The following LRP1B variants were observed in gnomAD, a reference collection of about 807,000 sequenced individuals.
LRP1B encodes LDL receptor related protein 1B.
A neutral mutation model predicts 556.6 loss-of-function variants in LRP1B; 217 were observed. The observed-to-expected ratio is 0.39, with a 90% CI of 0.35 to 0.44. LRP1B has a LOEUF of 0.44. Among genes scored for constraint, LRP1B ranks in the 20% least tolerant of loss-of-function variants. The pLI, the probability that LRP1B is intolerant of heterozygous loss-of-function variation, is 1.00. For missense variants in LRP1B, 5,053 were observed against 5,620.8 expected, an observed-to-expected ratio of 0.90 and a Z score of 3.23; for synonymous variants, 2,047 against 1,865.8, an observed-to-expected ratio of 1.10 and a Z score of -2.50.
At chr2:141,759,343 C>T (rs1033236596) in intron 2 of LRP1B, among the ~76,000 whole-genome samples, 4 of 151,944 alleles carry the variant, frequency 2.6e-5, no homozygotes, top group East Asian at 1.9e-4. Flanking sequence ...GACAAAATAA[C>T]GATACAAAGG....
At chr2:141,502,561 T>G (rs1305923330) in intron 2 of LRP1B, among the ~76,000 whole-genome samples, 1 of 152,092 alleles carries the variant, frequency 6.6e-6, no homozygotes, top group African/African-American at 2.4e-5. Flanking sequence ...GTATCATTGT[T>G]TAAAAACTAG....
intron 2 of LRP1B, among the ~76,000 whole-genome samples, chr2:141,497,622 C>T (rs1183061317): frequency 6.6e-6 from 1 of 151,926 alleles, no homozygotes; most frequent in Non-Finnish European, 1.5e-5. Flanking sequence ...AGGATGTTTG[C>T]TGTTTGGCCA....
intron 29 of LRP1B, among the ~76,000 whole-genome samples, chr2:140,847,547 T>C (rs1453828367): frequency 2.6e-5 from 4 of 151,920 alleles, no homozygotes; most frequent in Non-Finnish European, 4.4e-5. Context: ...GGTGGGTGGA[T>C]CATGTGGTCA....
chr2:140,416,269 T>C (rs1685197308), intron 66 of LRP1B, among the ~76,000 whole-genome samples: 1 of 151,988 alleles, frequency 6.6e-6, no homozygotes, highest in Non-Finnish European at 1.5e-5. Flanking sequence ...TGATTTGAGG[T>C]GGAGATGAGG....
intron 3 of LRP1B, among the ~76,000 whole-genome samples, chr2:141,322,382 G>T (rs1336051130): frequency 6.6e-6 from 1 of 152,038 alleles, no homozygotes; most frequent in Non-Finnish European, 1.5e-5. Flanking sequence ...TGATACCGGG[G>T]TATCTTGGGG....
chr2:141,337,469 C>A (rs564314338), intron 3 of LRP1B, among the ~76,000 whole-genome samples: 1 of 141,606 alleles, frequency 7.1e-6, no homozygotes, highest in East Asian at 2.0e-4. Flanking sequence ...TTATGAGATG[C>A]GGGATTTGCA....
intron 3 of LRP1B, among the ~76,000 whole-genome samples, chr2:141,432,647 T>A (rs1159797813): frequency 6.6e-6 from 1 of 152,048 alleles, no homozygotes; most frequent in African/African-American, 2.4e-5. Context: ...TCAGTTTTGG[T>A]AACCTCTGTC....
At position 140,324,025 on chromosome 2, in the gene LRP1B, T is replaced by C. The variant is rs746304789; in HGVS notation, c.12382A>G (p.Ile4128Val). 4 of 1,610,520 alleles carry C rather than the reference T, an allele frequency of 2.5e-6. No homozygotes were observed. Among genetic ancestry groups the C allele is most frequent in the Non-Finnish European group, 3.4e-6 (4 of 1,177,392 alleles). ...CCATTTTTAGGTCCTGCTCCATATATATAATCTTCAAAGATATCGATCCTA... is the reference window on the plus strand; with the variant it reads ...CCATTTTTAGGTCCTGCTCCATATACATAATCTTCAAAGATATCGATCCTA... ...PHRIDIFEDYIYGAGPKNGVF... is the reference protein window; with the variant it reads ...PHRIDIFEDYVYGAGPKNGVF... Residue 4128 changes from isoleucine (I) to valine (V), a missense_variant, in exon 81 of 91, where the codon ATA (isoleucine) becomes GTA (valine). Physicochemically the swap from Ile to Val is conservative, Grantham distance 29. This residue lies in a region of LRP1B where 551 missense variants were observed against 592.0 expected (regional missense o/e 0.93). Coordinates refer to ENST00000389484, the MANE Select transcript of LRP1B (RefSeq NM_018557.3).
At chr2:141,541,414 G>A (rs1339880947) in intron 2 of LRP1B, among the ~76,000 whole-genome samples, 1 of 151,962 alleles carries the variant, frequency 6.6e-6, no homozygotes, top group African/African-American at 2.4e-5. Flanking sequence ...ACAGTAATTT[G>A]GAAAGCTCTG....
intron 23 of LRP1B, among the ~76,000 whole-genome samples, chr2:140,890,091 A>G (rs1693753605): frequency 1.9e-5 from 1 of 53,312 alleles, no homozygotes; most frequent in African/African-American, 6.4e-5. Flanking sequence ...TCAAAATCAT[A>G]TTTATTAGTT....
chr2:140,301,666 T>A (rs563030952), intron 83 of LRP1B, among the ~76,000 whole-genome samples: 55 of 152,118 alleles, frequency 3.6e-4, no homozygotes, highest in Non-Finnish European at 7.7e-4. Flanking sequence ...ATGCTCAATG[T>A]GAATGTATTC....
chr2:140,781,833 G>C lies in LRP1B; in HGVS notation c.5360-5595C>G, dbSNP rs561895462. Among the ~76,000 whole-genome samples, 146 of 152,160 alleles carry C rather than the reference G, an allele frequency of 9.6e-4. No individual in the cohort carries two copies. In the Middle Eastern group the frequency reaches 0.027, roughly 28 times the overall value. ...ATACTTCTTTCTCCCTCATTCTAAGGCTCCTCTACAGATAGAATGACATGA... is the reference window on the plus strand; with the variant it reads ...ATACTTCTTTCTCCCTCATTCTAAGCCTCCTCTACAGATAGAATGACATGA... On this transcript the variant is annotated intron_variant, in intron 32 of 90. Transcript: ENST00000389484.
chr2:140,500,285 C>T (rs1689125913), intron 55 of LRP1B, among the ~76,000 whole-genome samples: 1 of 151,860 alleles, frequency 6.6e-6, no homozygotes, highest in Admixed American at 6.6e-5. Flanking sequence ...TGTCTATATA[C>T]AGTAAAATCC....
chr2:140,743,835 C>A (rs1688220878), intron 35 of LRP1B, among the ~76,000 whole-genome samples: 1 of 151,524 alleles, frequency 6.6e-6, no homozygotes, highest in East Asian at 2.0e-4. Flanking sequence ...TGGCGGGTGC[C>A]TGTAGTCACC....
rs59469282 is a variant in LRP1B at position 140,872,360 on chromosome 2, A to ATTTTTTTTTTTTTTTTTTT, written c.4170-4116_4170-4098dup. Among the ~76,000 whole-genome samples, 31 of 60,486 alleles carry ATTTTTTTTTTTTTTTTTTT rather than the reference A, an allele frequency of 5.1e-4. 1 individual carries two copies. The highest frequency in any genetic ancestry group is 7.5e-4 in the Non-Finnish European group (25 of 33,530). The allele number at this position is 60,486 out of a possible 152,430, so 39.7% of individuals were successfully genotyped here. A position where few individuals can be genotyped will look rare whatever the true frequency, so the allele number is the denominator to read the frequency against. ...GCTTGCTTTTGTATTGTGTCACCTG[A>ATTTTTTTTTTTTTTTTTTT]TTTTTTTTTTTTTTTTTTTTTTTTT... On this transcript the variant is annotated intron_variant, in intron 25 of 90. Transcript: ENST00000389484.
chr2:141,809,629 T>C (rs1359168113), intron 2 of LRP1B, among the ~76,000 whole-genome samples: 1 of 152,088 alleles, frequency 6.6e-6, no homozygotes, highest in African/African-American at 2.4e-5. Flanking sequence ...AAGCCTTCGG[T>C]GGATTCCAAG....
intron 2 of LRP1B, among the ~76,000 whole-genome samples, chr2:141,672,720 G>T (rs927260010): frequency 2.6e-5 from 4 of 152,168 alleles, no homozygotes; most frequent in African/African-American, 9.7e-5. Flanking sequence ...CCTGAAATGT[G>T]AAAGTAAATT....
chr2:141,997,133 G>A (rs1005515075), intron 1 of LRP1B, among the ~76,000 whole-genome samples: 2 of 152,006 alleles, frequency 1.3e-5, no homozygotes, highest in African/African-American at 4.8e-5. Flanking sequence ...AAATGCCCGC[G>A]AGGCCAAACT....
At chr2:141,671,141 G>A (rs1387129049) in intron 2 of LRP1B, among the ~76,000 whole-genome samples, 5 of 152,070 alleles carry the variant, frequency 3.3e-5, no homozygotes, top group Admixed American at 3.3e-4. Flanking sequence ...CAATTAGTGA[G>A]GTAAGGATTT....
Sources: allele counts gnomAD v4.1 joint callset (sites outside exome capture counted in the v4.1 genomes callset), GRCh38; gene constraint gnomAD v4.1.1; regional missense constraint gnomAD v4.1.1; transcripts MANE v1.5; gene names NCBI Gene and HGNC (gene_info 2026-07-23, HGNC 2026-07-21).